Variants in CYP2D6 observed in about 807,000 individuals in gnomAD.
The protein encoded by CYP2D6 is cytochrome P450 2D6.
In CYP2D6, 51 loss-of-function variants were observed where a neutral mutation model predicts 43.5. The ratio of observed to expected loss-of-function variants is 1.17; its 90% CI spans 0.94 to 1.48. The LOEUF (loss-of-function observed/expected upper bound fraction) is 1.48. Ranked by LOEUF, CYP2D6 falls within the 40% of genes most tolerant of loss-of-function variation. The pLI, the probability that CYP2D6 is intolerant of heterozygous loss-of-function variation, is 0.00. For missense variants in CYP2D6, 698 were observed against 688.0 expected (o/e 1.01, Z -0.16); for synonymous variants, 346 against 297.1 (o/e 1.16, Z -1.69).
In CYP2D6 at chr22:42,126,651, G is replaced by A. The variant is rs1490238757; in HGVS notation, c.1417C>T (p.Pro473Ser). ...HFSFSVPTGQ[P>S]RPSHHGVFAF... ...AAGACACCATGGTGGCTGGGCCGGG[G>A]CTGTCCAGTGGGCACCGAGAAGCTG... The change falls in exon 9 of 9, where the codon CCC becomes TCC. Residue 473 changes from proline to serine, a missense_variant. This residue lies in a region of CYP2D6 where 85 missense variants were observed against 81.2 expected (regional missense o/e 1.05). Coordinates refer to ENST00000645361, the MANE Select transcript of CYP2D6 (RefSeq NM_000106.6). 9 of 1,609,262 alleles carry A rather than the reference G, an allele frequency of 5.6e-6. 1 individual carries two copies. Among genetic ancestry groups the A allele is most frequent in the African/African-American group, 5.4e-5 (4 of 74,072 alleles).
In CYP2D6 at chr22:42,127,645, A is replaced by G. The variant is rs753580478; in HGVS notation, c.986-11T>C. On this transcript the variant is annotated splice_polypyrimidine_tract_variant and intron_variant, in intron 6 of 8. Coordinates refer to ENST00000645361, the MANE Select transcript of CYP2D6 (RefSeq NM_000106.6). ...CCTGTTGGACACGGCCTGGACAGAC[A>G]TGCGTCCCCACAATGGGTCAGCACC... 16 of 1,610,120 alleles carry G rather than the reference A, an allele frequency of 9.9e-6. No homozygotes were observed. The highest frequency in any genetic ancestry group is 8.1e-5 in the African/African-American group (6 of 74,360).
At chr22:42,129,596 G>A (rs2146940277) in intron 2 of CYP2D6, 142 bp downstream of exon 2, 1 of 1,125,488 alleles carries the variant, frequency 8.9e-7, no homozygotes, top group Non-Finnish European at 1.3e-6. Context: ...CCTCCCTAGT[G>A]CAGGTGGTTT....
chr22:42,129,259 A>C, intron 2 of CYP2D6, 74 bp from the exon 3 acceptor site: 7 of 1,530,608 alleles, frequency 4.6e-6, no homozygotes, highest in Non-Finnish European at 6.2e-6. Flanking sequence ...CTCCAACCCT[A>C]TGCTCCCCCT....
At chr22:42,129,591 C>T in intron 2 of CYP2D6, 147 bp downstream of exon 2, 2 of 1,091,128 alleles carry the variant, frequency 1.8e-6, no homozygotes, top group South Asian at 2.8e-5. Context: ...TCACACCTCC[C>T]TAGTGCAGGT....
In CYP2D6 at chr22:42,127,206, G is replaced by A. The variant is rs1380803897; in HGVS notation, c.1174-214C>T. ...CCCACACTGCCCCCTCTCCCTGCAG[G>A]CGTTGGGTCCTCCAACATTCTGGCA... On this transcript the variant is annotated intron_variant, in intron 7 of 8. Coordinates refer to ENST00000645361, the MANE Select transcript of CYP2D6 (RefSeq NM_000106.6). 5.3e-5 allele frequency among the ~76,000 whole-genome samples: 8 copies of A among 151,340 alleles called. No homozygotes were observed. The East Asian group carries it at 1.4e-3, about 26-fold the overall frequency.
chr22:42,128,754 G>A lies in CYP2D6; in HGVS notation c.666+30C>T, dbSNP rs757337143. The A allele has an allele frequency of 1.3e-5, 21 of 1,595,104 alleles. 1 individual carries two copies. Among genetic ancestry groups the A allele is most frequent in the Admixed American group, 5.1e-5 (3 of 58,316 alleles). On this transcript the variant is annotated intron_variant, in intron 4 of 8. Transcript: ENST00000645361. ...CCGGCACCTCTCGGGAGCTCGCCCT[G>A]CAGAGACTCCTCGGTCTCTCGCTCC...
At position 42,128,964 on chromosome 22, in the gene CYP2D6, G is replaced by T. The variant is rs1373054980; in HGVS notation, c.506-20C>A. 6.3e-7 allele frequency: 1 copy of T among 1,582,286 alleles called. No homozygotes were observed. On this transcript the variant is annotated intron_variant, in intron 3 of 8. Transcript: ENST00000645361. ...GGCGTCCTGGGGGTGGGAGATGCGGGTAAGGGGTCGCCTTCCCCGTCCCCC... is the reference window on the plus strand; with the variant it reads ...GGCGTCCTGGGGGTGGGAGATGCGGTTAAGGGGTCGCCTTCCCCGTCCCCC...
Position 42,128,290 on chromosome 22 carries a change from A to G in CYP2D6, c.727T>C (p.Phe243Leu), listed in dbSNP as rs1931302727. ...AGCTGGGTCAGGAAAGCCTTTTGGA[A>G]GCGTAGGACCTTGCCAGCCAGCGCT... ...IPALAGKVLR[F>L]QKAFLTQLDE... Residue 243 changes from phenylalanine to leucine, a missense_variant, in exon 5 of 9, where the codon TTC becomes CTC. Physicochemically the swap from Phe to Leu is conservative, Grantham distance 22. Around this residue, in one of 5 missense-constraint regions of CYP2D6, gnomAD observed 588 missense variants for 521.1 expected, o/e 1.13. Transcript: ENST00000645361. The G allele has an allele frequency of 1.2e-6, 2 of 1,610,502 alleles. No individual in the cohort carries two copies. The highest frequency in any genetic ancestry group is 1.7e-6 in the Non-Finnish European group (2 of 1,177,970).
chr22:42,128,750 C>G lies in CYP2D6; in HGVS notation c.666+34G>C. The G allele has an allele frequency of 1.9e-6, 3 of 1,591,536 alleles. 1 individual carries two copies. Among genetic ancestry groups the G allele is most frequent in the South Asian group, 1.1e-5 (1 of 87,996 alleles). On this transcript the variant is annotated intron_variant, in intron 4 of 8. Coordinates refer to ENST00000645361, the MANE Select transcript of CYP2D6 (RefSeq NM_000106.6). Reference sequence around the variant, plus strand: ...AGCCCCGGCACCTCTCGGGAGCTCGCCCTGCAGAGACTCCTCGGTCTCTCG... The same window carrying G: ...AGCCCCGGCACCTCTCGGGAGCTCGGCCTGCAGAGACTCCTCGGTCTCTCG...
intron 4 of CYP2D6, 67 bp from the exon 5 acceptor site, chr22:42,128,417 C>T: frequency 6.4e-7 from 1 of 1,564,630 alleles, no homozygotes; most frequent in African/African-American, 1.4e-5. Flanking sequence ...AGTCTCAGGC[C>T]CCAGCCATCT....
intron 1 of CYP2D6, 89 bp downstream of exon 1, chr22:42,130,523 T>G: frequency 7.8e-7 from 1 of 1,278,726 alleles, no homozygotes; most frequent in South Asian, 1.3e-5. Flanking sequence ...TGGCTTCTGG[T>G]CCAGCCTGTG....
intron 4 of CYP2D6, 88 bp downstream of exon 4, chr22:42,128,696 C>T (rs1346039513): frequency 6.8e-7 from 1 of 1,472,858 alleles, no homozygotes; most frequent in Non-Finnish European, 9.3e-7. Context: ...CCCATCTATG[C>T]AAATCCTGCT....
rs367543000 is a variant in CYP2D6 at position 42,128,212 on chromosome 22, G to T, written c.805C>A (p.Arg269=). 2 of 1,608,954 alleles carry T rather than the reference G, an allele frequency of 1.2e-6. No homozygotes were observed. Among genetic ancestry groups the T allele is most frequent in the East Asian group, 2.2e-5 (1 of 44,658 alleles). ...RMTWDPAQPP[R]DLTEAFLAEM... is the part of the protein sequence containing the mutation. ...GCCAGGAAGGCCTCAGTCAGGTCTCGGGGGGGCTGGGCTGGGTCCCAGGTC... is the reference window on the plus strand; with the variant it reads ...GCCAGGAAGGCCTCAGTCAGGTCTCTGGGGGGCTGGGCTGGGTCCCAGGTC... Residue 269 remains arginine, a synonymous_variant, in exon 5 of 9, where the codon CGA becomes AGA. Coordinates refer to ENST00000645361, the MANE Select transcript of CYP2D6 (RefSeq NM_000106.6).
chr22:42,129,949 CA>C (rs1715378707), intron 1 of CYP2D6, 40 bp from the exon 2 acceptor site: 2 of 1,504,064 alleles, frequency 1.3e-6, no homozygotes, highest in Non-Finnish European at 8.9e-7. Flanking sequence ...AAGCCAGGAT[CA>C]CCCCAGACTA....
In CYP2D6 at chr22:42,130,753, C is replaced by T. The variant is rs771858802; in HGVS notation, c.39G>A (p.Val13=). Reference sequence around the variant, plus strand: ...GGTCCACCAGGAGCAGGAAGATGGCCACTATCACGGCCAGGGGCACCAGTG... The same window carrying T: ...GGTCCACCAGGAGCAGGAAGATGGCTACTATCACGGCCAGGGGCACCAGTG... The part of the protein sequence containing the change: ...LEALVPLAVI[V]AIFLLLVDLM... The change falls in exon 1 of 9, where the codon GTG becomes GTA. Residue 13 remains valine, a synonymous_variant. Transcript: ENST00000645361. 6.3e-7 allele frequency: 1 copy of T among 1,591,742 alleles called. No individual in the cohort carries two copies. The highest frequency in any genetic ancestry group is 1.4e-5 in the African/African-American group (1 of 73,916).
rs1455454907 is a variant in CYP2D6, at chr22:42,126,983, G to A, written c.1183C>T (p.Leu395Phe). 10 of 1,607,140 alleles carry A rather than the reference G, an allele frequency of 6.2e-6. No individual in the cohort carries two copies. Among genetic ancestry groups the A allele is most frequent in the Admixed American group, 1.7e-5 (1 of 59,376 alleles). ...AGCACCGATGACAGGTTGGTGATGAGTGTCGTTCCCTGGGCAGGAGATGCA... is the reference window on the plus strand; with the variant it reads ...AGCACCGATGACAGGTTGGTGATGAATGTCGTTCCCTGGGCAGGAGATGCA... ...QGFRIPKGTT[L>F]ITNLSSVLKD... Residue 395 changes from leucine (L) to phenylalanine (F), a missense_variant, in exon 8 of 9, where the codon CTC becomes TTC. Coordinates refer to ENST00000645361, the MANE Select transcript of CYP2D6 (RefSeq NM_000106.6).
Position 42,130,717 on chromosome 22 carries a change from C to T in CYP2D6, c.75G>A (p.Arg25=), listed in dbSNP as rs2146944590. The change falls in exon 1 of 9, where the codon CGG becomes CGA. Residue 25 remains arginine, a synonymous_variant. Transcript: ENST00000645361. ...IFLLLVDLMH[R]RQRWAARYPP... is the part of the protein sequence containing the mutation. The stretch of plus-strand genomic sequence containing the variant: ...GGTAGCGTGCAGCCCAGCGTTGGCG[C>T]CGGTGCATCAGGTCCACCAGGAGCA... 1 of 1,602,180 alleles carries T rather than the reference C, an allele frequency of 6.2e-7. No homozygotes were observed.
In CYP2D6 at chr22:42,126,632, C is replaced by G. The variant is rs773525784; in HGVS notation, c.1436G>C (p.Gly479Ala). 2 of 1,609,270 alleles carry G rather than the reference C, an allele frequency of 1.2e-6. No individual in the cohort carries two copies. The highest frequency in any genetic ancestry group is 2.2e-5 in the East Asian group (1 of 44,666). ...PTGQPRPSHH[G>A]VFAFLVSPSP... ...TGGGCTCACCAGGAAAGCAAAGACACCATGGTGGCTGGGCCGGGGCTGTCC... is the reference window on the plus strand; with the variant it reads ...TGGGCTCACCAGGAAAGCAAAGACAGCATGGTGGCTGGGCCGGGGCTGTCC... The change falls in exon 9 of 9, where the codon GGT becomes GCT. Residue 479 changes from glycine (G) to alanine (A), a missense_variant. Around this residue, in one of 5 missense-constraint regions of CYP2D6, gnomAD observed 85 missense variants for 81.2 expected, o/e 1.05. Coordinates refer to ENST00000645361, the MANE Select transcript of CYP2D6 (RefSeq NM_000106.6).
intron 4 of CYP2D6, 74 bp from the exon 5 acceptor site, chr22:42,128,424 A>C (rs1184559714): frequency 6.5e-7 from 1 of 1,545,974 alleles, no homozygotes; most frequent in African/African-American, 1.4e-5. Context: ...GGCCCCAGCC[A>C]TCTCCAGGTA....
Sources: gnomAD v4.1 joint callset for allele counts (sites outside exome capture counted in the v4.1 genomes callset) on GRCh38, gnomAD v4.1.1 for gene constraint, gnomAD v4.1.1 regional missense constraint, MANE v1.5 for transcripts, NCBI Gene and HGNC (gene_info 2026-07-23, HGNC 2026-07-21) for gene names.